Variants in CAST observed in about 807,000 individuals in gnomAD.
CAST encodes the protein calpastatin.
In CAST, 76 loss-of-function variants were observed where a neutral mutation model predicts 119.6. That is an observed-to-expected ratio of 0.64 (90% CI 0.53 to 0.77). The LOEUF is 0.77. CAST is among the 30% of genes least tolerant of loss of function. The pLI is 0.00. For synonymous variants in CAST, 319 were observed against 331.6 expected (o/e 0.96, Z 0.41); for missense variants, 953 against 946.5 (o/e 1.01, Z -0.09).
the CAST span, among the ~76,000 whole-genome samples, chr5:96,347,818 A>G: frequency 6.6e-6 from 1 of 152,192 alleles, no homozygotes; most frequent in East Asian, 1.9e-4. Flanking sequence ...AGAGACTGGT[A>G]AAGATGATTT....
the CAST span, among the ~76,000 whole-genome samples, chr5:96,225,203 A>C: frequency 6.6e-6 from 1 of 152,196 alleles, no homozygotes; most frequent in Non-Finnish European, 1.5e-5. Context: ...ATAAGTATTT[A>C]TTGACTTTGT....
the CAST span, among the ~76,000 whole-genome samples, chr5:96,129,928 A>T: frequency 6.6e-6 from 1 of 151,924 alleles, no homozygotes; most frequent in African/African-American, 2.4e-5. Context: ...ATCCCTTATA[A>T]CTAATTGTAC....
intron 2 of CAST, among the ~76,000 whole-genome samples, chr5:96,691,853 A>G (rs1481528457): frequency 6.6e-6 from 1 of 152,220 alleles, no homozygotes; most frequent in Non-Finnish European, 1.5e-5. Flanking sequence ...ATGAAGTCTC[A>G]GGGTAAAACA....
chr5:96,463,955 G>A, the CAST span, among the ~76,000 whole-genome samples: 1 of 152,068 alleles, frequency 6.6e-6, no homozygotes, highest in Non-Finnish European at 1.5e-5. Context: ...TGAGTCAGAA[G>A]TAAAAAGTAG....
At chr5:96,671,011 GATTTTAA>G (rs1177848737) in intron 1 of CAST, among the ~76,000 whole-genome samples, 2 of 152,218 alleles carry the variant, frequency 1.3e-5, no homozygotes, top group Non-Finnish European at 2.9e-5. Flanking sequence ...TGCTATGGCA[GATTTTAA>G]ACGTATAGAG....
Position 96,773,499 on chromosome 5 carries a change from T to A in CAST, c.*883T>A, listed in dbSNP as rs188195043. ...ACATAAAACCTGAGCAGCAACTGTG[T>A]CTTTAGAGCTATTGCCACATTAGCC... On this transcript the variant is annotated 3_prime_UTR_variant, in exon 32 of 32. Coordinates refer to ENST00000675179, the MANE Select transcript of CAST (RefSeq NM_001750.7). The A allele has an allele frequency of 6.6e-6, 1 of 152,450 alleles. No individual in the cohort carries two copies. The highest frequency in any genetic ancestry group is 2.4e-5 in the African/African-American group (1 of 41,574). The allele number at this position is 152,450 out of a possible 1,614,324, so 9.4% of individuals were successfully genotyped here.
At chr5:96,454,486 G>T in the CAST span, among the ~76,000 whole-genome samples, 1 of 152,168 alleles carries the variant, frequency 6.6e-6, no homozygotes, top group Non-Finnish European at 1.5e-5. Flanking sequence ...GTCATCTCAT[G>T]ACACCCTAAT....
the CAST span, among the ~76,000 whole-genome samples, chr5:96,126,518 C>T: frequency 6.6e-6 from 1 of 152,122 alleles, no homozygotes; most frequent in Non-Finnish European, 1.5e-5. Flanking sequence ...TTTAAAACCT[C>T]ATCTTTTTTT....
the CAST span, among the ~76,000 whole-genome samples, chr5:96,183,330 C>T: frequency 1.3e-5 from 2 of 151,378 alleles, no homozygotes; most frequent in Non-Finnish European, 2.9e-5. Flanking sequence ...TTCCTGGCTA[C>T]TTTATCTGAC....
chr5:96,571,797 A>G (rs1746573343), intron 1 of CAST, among the ~76,000 whole-genome samples: 1 of 152,158 alleles, frequency 6.6e-6, no homozygotes, highest in South Asian at 2.1e-4. Context: ...TGTCATTATA[A>G]CGCATGCTTA....
chr5:96,256,072 A>G, the CAST span, among the ~76,000 whole-genome samples: 1 of 151,958 alleles, frequency 6.6e-6, no homozygotes, highest in Non-Finnish European at 1.5e-5. Flanking sequence ...AGCAGTATCT[A>G]TTCTCATCTC....
At chr5:96,221,434 CA>C in the CAST span, among the ~76,000 whole-genome samples, 1 of 151,940 alleles carries the variant, frequency 6.6e-6, no homozygotes, top group South Asian at 2.1e-4. Context: ...AATCAATATA[CA>C]AAAATCAGTA....
Position 96,736,242 on chromosome 5 carries a change from T to C in CAST, c.699+2T>C. 15 of 1,595,450 alleles carry C rather than the reference T, an allele frequency of 9.4e-6. No homozygotes were observed. The highest frequency in any genetic ancestry group is 1.1e-5 in the Non-Finnish European group (13 of 1,163,812). On this transcript the variant is annotated splice_donor_variant, in intron 10 of 31. Coordinates refer to ENST00000675179, the MANE Select transcript of CAST (RefSeq NM_001750.7). LOFTEE classifies it high-confidence loss of function. ...AAACCGGATAAACCATCGGGAAAGG[T>C]ATGAAGACAACAGTGTCCTTCTACA...
the CAST span, among the ~76,000 whole-genome samples, chr5:96,331,209 C>G: frequency 6.6e-6 from 1 of 152,114 alleles, no homozygotes; most frequent in Non-Finnish European, 1.5e-5. Context: ...AACTGAGGAC[C>G]AGGGGAAGAG....
the CAST span, among the ~76,000 whole-genome samples, chr5:96,016,910 T>C: frequency 1.3e-5 from 2 of 150,962 alleles, no homozygotes; most frequent in Non-Finnish European, 1.5e-5. Context: ...AATCTTGGTT[T>C]ACTGCAAGCT....
At chr5:96,283,386 A>G in the CAST span, among the ~76,000 whole-genome samples, 17 of 152,346 alleles carry the variant, frequency 1.1e-4, no homozygotes, top group South Asian at 6.2e-4. Flanking sequence ...TGTATCTTAC[A>G]TCCAGGCACA....
At chr5:96,438,292 A>C in the CAST span, among the ~76,000 whole-genome samples, 1 of 152,224 alleles carries the variant, frequency 6.6e-6, no homozygotes, top group Non-Finnish European at 1.5e-5. Flanking sequence ...CCGTTCATGC[A>C]GCTTTCCCTG....
At chr5:96,640,323 A>C (rs1054941808) in intron 1 of CAST, among the ~76,000 whole-genome samples, 1 of 152,208 alleles carries the variant, frequency 6.6e-6, no homozygotes, top group Non-Finnish European at 1.5e-5. Context: ...GGATGGACAA[A>C]GGAAGAAGAG....
chr5:96,207,560 A>C, the CAST span, among the ~76,000 whole-genome samples: 1 of 152,038 alleles, frequency 6.6e-6, no homozygotes, highest in Non-Finnish European at 1.5e-5. Flanking sequence ...TGAGATGATC[A>C]TGTGGTTTTT....
Sources: gnomAD v4.1 joint callset for allele counts (sites outside exome capture counted in the v4.1 genomes callset) on GRCh38, gnomAD v4.1.1 for gene constraint, MANE v1.5 for transcripts, NCBI Gene and HGNC (gene_info 2026-07-23, HGNC 2026-07-21) for gene names.